The following DR1 variants were observed in gnomAD, a reference collection of about 807,000 sequenced individuals.
The protein encoded by DR1 is down-regulator of transcription 1, also known as protein Dr1.
A neutral mutation model predicts 19.9 loss-of-function variants in DR1; 7 were observed. The observed-to-expected ratio is 0.35, with a 90% CI of 0.20 to 0.66. The LOEUF is 0.66. Among genes scored for constraint, DR1 ranks in the 30% least tolerant of loss-of-function variants. The pLI is 0.66. For synonymous variants in DR1, 76 were observed against 72.5 expected (o/e 1.05, Z -0.24); for missense variants, 98 against 203.7 (o/e 0.48, Z 3.16).
At chr1:93,351,681 G>A (rs776428716) in intron 1 of DR1, among the ~76,000 whole-genome samples, 6 of 152,046 alleles carry the variant, frequency 3.9e-5, no homozygotes, top group African/African-American at 9.7e-5. Flanking sequence ...AGTAATCCCC[G>A]TGCCTTGGCC....
In DR1 at chr1:93,363,184, T is replaced by A. The variant is rs1667078327; in HGVS notation, c.*2545T>A. ...CCCCAGAAGCCCTCCTCTTTCCCCA[T>A]CTTAACACTGTCTTCTTTCTTGCTG... On this transcript the variant is annotated 3_prime_UTR_variant, in exon 3 of 3. Transcript: ENST00000370272. The A allele has an allele frequency of 6.6e-6, 1 of 152,152 alleles. No homozygotes were observed. Among genetic ancestry groups the A allele is most frequent in the Admixed American group, 6.5e-5 (1 of 15,276 alleles). The allele number at this position is 152,152 out of a possible 1,614,324, so 9.4% of individuals were successfully genotyped here.
chr1:93,350,384 T>A (rs1666901320), intron 1 of DR1, among the ~76,000 whole-genome samples: 1 of 152,184 alleles, frequency 6.6e-6, no homozygotes, highest in Non-Finnish European at 1.5e-5. Flanking sequence ...ATCCTCTTAA[T>A]GTATTTTATG....
At position 93,362,196 on chromosome 1, in the gene DR1, T is replaced by C. The variant is rs1185475325; in HGVS notation, c.*1557T>C. ...TATTAAATATACTTCCCCCATGAAG[T>C]GAAAAGGTTAATTTTGCTGAATGTT... On this transcript the variant is annotated 3_prime_UTR_variant, in exon 3 of 3. Coordinates refer to ENST00000370272, the MANE Select transcript of DR1 (RefSeq NM_001938.3). The C allele has an allele frequency of 6.6e-6, 1 of 152,430 alleles. No individual in the cohort carries two copies. Among genetic ancestry groups the C allele is most frequent in the African/African-American group, 2.4e-5 (1 of 41,428 alleles). 9.4% of individuals were successfully genotyped at this position (152,430 alleles called of 1,614,324 possible).
chr1:93,356,305 C>A (rs932102571), intron 2 of DR1, among the ~76,000 whole-genome samples: 1 of 151,376 alleles, frequency 6.6e-6, no homozygotes, highest in African/African-American at 2.4e-5. Flanking sequence ...TTGACAGGCT[C>A]GATCAGGCAC....
intron 1 of DR1, among the ~76,000 whole-genome samples, chr1:93,348,573 A>T (rs1010063799): frequency 6.6e-6 from 1 of 152,082 alleles, no homozygotes; most frequent in Non-Finnish European, 1.5e-5. Flanking sequence ...TCTGATTGAC[A>T]TGATGGAATA....
At position 93,364,265 on chromosome 1, in the gene DR1, C is replaced by T. The variant is rs904815047; in HGVS notation, c.*3626C>T. On this transcript the variant is annotated 3_prime_UTR_variant, in exon 3 of 3. Coordinates refer to ENST00000370272, the MANE Select transcript of DR1 (RefSeq NM_001938.3). ...AAGTAATTGCCCTTATTAACTGACACATTAGTATTACATACTCATTAGGTT... is the reference window on the plus strand; with the variant it reads ...AAGTAATTGCCCTTATTAACTGACATATTAGTATTACATACTCATTAGGTT... The T allele has an allele frequency of 7.2e-5, 11 of 152,124 alleles. No individual in the cohort carries two copies. The highest frequency in any genetic ancestry group is 2.2e-4 in the African/African-American group (9 of 41,426). The allele number at this position is 152,124 out of a possible 1,614,324, so 9.4% of individuals were successfully genotyped here. A position where few individuals can be genotyped will look rare whatever the true frequency, so the allele number is the denominator to read the frequency against.
chr1:93,358,121 A>G (rs895055691), intron 2 of DR1, among the ~76,000 whole-genome samples: 1 of 152,272 alleles, frequency 6.6e-6, no homozygotes, highest in Non-Finnish European at 1.5e-5. Flanking sequence ...AAAAATAGAA[A>G]GAAAGAGGGA....
intron 2 of DR1, 150 bp downstream of exon 2, chr1:93,354,221 C>A: frequency 1.5e-6 from 1 of 664,262 alleles, no homozygotes; most frequent in Non-Finnish European, 2.4e-6. Flanking sequence ...CAATTTGACT[C>A]TGGTTTATGT....
chr1:93,346,523 C>T lies in DR1; in HGVS notation c.-123C>T, dbSNP rs1249691304. On this transcript the variant is annotated 5_prime_UTR_variant, in exon 1 of 3. Coordinates refer to ENST00000370272, the MANE Select transcript of DR1 (RefSeq NM_001938.3). The stretch of plus-strand genomic sequence containing the variant: ...CTGCTCCTCCGTTCATTTTCTGCAC[C>T]CTCTTCGCAAAGCACCCCCCGGGAT... 1 of 714,514 alleles carries T rather than the reference C, an allele frequency of 1.4e-6. No homozygotes were observed. Among genetic ancestry groups the T allele is most frequent in the East Asian group, 2.6e-5 (1 of 38,622 alleles). 44.3% of individuals were successfully genotyped at this position (714,514 alleles called of 1,614,324 possible).
At chr1:93,350,040 G>A (rs930752619) in intron 1 of DR1, among the ~76,000 whole-genome samples, 4 of 152,074 alleles carry the variant, frequency 2.6e-5, no homozygotes, top group South Asian at 2.1e-4. Flanking sequence ...TATTTTTTCC[G>A]AAGGGACACA....
intron 2 of DR1, among the ~76,000 whole-genome samples, chr1:93,357,341 A>G (rs1325532744): frequency 2.6e-5 from 4 of 152,024 alleles, no homozygotes; most frequent in African/African-American, 9.7e-5. Context: ...ATCTTTTGCT[A>G]TAATGATCTG....
At chr1:93,352,141 T>C (rs1268109834) in intron 1 of DR1, among the ~76,000 whole-genome samples, 1 of 152,122 alleles carries the variant, frequency 6.6e-6, no homozygotes, top group South Asian at 2.1e-4. Flanking sequence ...ACAGTCATAG[T>C]TTACTGTGGC....
intron 1 of DR1, among the ~76,000 whole-genome samples, chr1:93,348,265 C>A (rs1021709713): frequency 6.6e-5 from 10 of 151,702 alleles, no homozygotes; most frequent in African/African-American, 2.4e-4. Context: ...AAATGAAAGC[C>A]AAGTTGTCTA....
At position 93,359,228 on chromosome 1, in the gene DR1, G is replaced by A. The variant is rs554031353; in HGVS notation, c.385-1265G>A. ...TAAAGTCATGACAGATTATTCAGAA[G>A]AGTGAGGATTGTACATGGTAAAATC... On this transcript the variant is annotated intron_variant, in intron 2 of 2. Coordinates refer to ENST00000370272, the MANE Select transcript of DR1 (RefSeq NM_001938.3). 2.0e-5 allele frequency among the ~76,000 whole-genome samples: 3 copies of A among 152,300 alleles called. No individual in the cohort carries two copies. The East Asian group carries it at 5.8e-4, about 29-fold the overall frequency.
chr1:93,346,968 G>T, intron 1 of DR1, 103 bp downstream of exon 1: 7 of 1,061,210 alleles, frequency 6.6e-6, no homozygotes, highest in Non-Finnish European at 9.6e-6. Flanking sequence ...TCCCTGGTAA[G>T]TAACTTAATG....
chr1:93,351,030 CTG>C lies in DR1; in HGVS notation c.221-2876_221-2875del, dbSNP rs939026410. Among the ~76,000 whole-genome samples the C allele has an allele frequency of 2.6e-5, 4 of 152,282 alleles. 1 individual carries two copies. Among genetic ancestry groups the C allele is most frequent in the African/African-American group, 7.2e-5 (3 of 41,560 alleles). On this transcript the variant is annotated intron_variant, in intron 1 of 2. Coordinates refer to ENST00000370272, the MANE Select transcript of DR1 (RefSeq NM_001938.3). ...GTTGTGTACTGAACAACCTACCTAACTGTATGTAAATGGTGGCCCTGCTTGGG... is the reference window on the plus strand; with the variant it reads ...GTTGTGTACTGAACAACCTACCTAACTATGTAAATGGTGGCCCTGCTTGGG...
At chr1:93,347,415 T>C (rs915719356) in intron 1 of DR1, among the ~76,000 whole-genome samples, 1 of 152,252 alleles carries the variant, frequency 6.6e-6, no homozygotes, top group Admixed American at 6.5e-5. Context: ...GCTCTAAAAA[T>C]GGTTTGATGG....
intron 2 of DR1, among the ~76,000 whole-genome samples, chr1:93,357,003 T>C (rs1666995494): frequency 6.6e-6 from 1 of 152,222 alleles, no homozygotes; most frequent in Middle Eastern, 3.2e-3. Context: ...ATTACAGGCA[T>C]GAGCCACCGC....
Position 93,366,003 on chromosome 1 carries a change from A to G in DR1, c.*5364A>G, listed in dbSNP as rs1667123507. The G allele has an allele frequency of 6.6e-6, 1 of 152,212 alleles. No individual in the cohort carries two copies. The highest frequency in any genetic ancestry group is 2.4e-5 in the African/African-American group (1 of 41,462). 9.4% of individuals were successfully genotyped at this position (152,212 alleles called of 1,614,324 possible). ...CTGTGGCATTAAGTATATTCATACT[A>G]TTGTGCAACCACCACCACCATCCGT... is the stretch of plus-strand genomic sequence containing the variant. On this transcript the variant is annotated 3_prime_UTR_variant, in exon 3 of 3. Coordinates refer to ENST00000370272, the MANE Select transcript of DR1 (RefSeq NM_001938.3).
Sources: allele counts gnomAD v4.1 joint callset (sites outside exome capture counted in the v4.1 genomes callset), GRCh38; gene constraint gnomAD v4.1.1; transcripts MANE v1.5; gene names NCBI Gene and HGNC (gene_info 2026-07-23, HGNC 2026-07-21).